XRCC4: variants seen among roughly 807,000 people sequenced by gnomAD.
XRCC4 encodes X-ray repair cross complementing 4.
Under a neutral mutation model 39.1 loss-of-function variants are expected in XRCC4, and 28 were observed. The observed-to-expected ratio is 0.72, with a 90% CI of 0.53 to 0.98. XRCC4 has a LOEUF of 0.98. Ranked by LOEUF, XRCC4 falls within the 50% of genes least tolerant of loss-of-function variation. The pLI is 0.00. For missense variants in XRCC4, 350 were observed against 376.4 expected (o/e 0.93, Z 0.58); for synonymous variants, 123 against 126.4 (o/e 0.97, Z 0.18).
rs891294652 is a variant in XRCC4, at chr5:83,262,566, A to G, written c.893+3889A>G. ...AGCTTTTAGAGACTTCAGAACAAAT[A>G]TAAATCACTGTAAAAGGAATACAGA... On this transcript the variant is annotated intron_variant, in intron 7 of 7. Coordinates refer to ENST00000396027, the MANE Select transcript of XRCC4 (RefSeq NM_003401.5). Among the ~76,000 whole-genome samples the G allele has an allele frequency of 2.0e-5, 3 of 152,248 alleles. No homozygotes were observed. In the East Asian group the frequency reaches 5.8e-4, roughly 29 times the overall value.
chr5:83,124,403 C>T (rs1055290492), intron 3 of XRCC4, among the ~76,000 whole-genome samples: 1 of 151,934 alleles, frequency 6.6e-6, no homozygotes, highest in African/African-American at 2.4e-5. Flanking sequence ...TTTCACTGAC[C>T]CTAATACTTT....
At chr5:83,323,019 A>G (rs911526990) in intron 7 of XRCC4, among the ~76,000 whole-genome samples, 1 of 152,152 alleles carries the variant, frequency 6.6e-6, no homozygotes, top group African/African-American at 2.4e-5. Context: ...ATAGTACAGC[A>G]AGAGCCCTAT....
chr5:83,139,888 A>G (rs1748084232), intron 3 of XRCC4, among the ~76,000 whole-genome samples: 1 of 152,168 alleles, frequency 6.6e-6, no homozygotes, highest in Non-Finnish European at 1.5e-5. Flanking sequence ...GCATGATTTT[A>G]TGGTTGGTTG....
At chr5:83,151,444 C>T (rs1402150856) in intron 3 of XRCC4, among the ~76,000 whole-genome samples, 1 of 152,046 alleles carries the variant, frequency 6.6e-6, no homozygotes, top group Middle Eastern at 3.2e-3. Flanking sequence ...TTTTCCTTTG[C>T]AAAAAGGTTC....
intron 1 of XRCC4, among the ~76,000 whole-genome samples, chr5:83,082,353 T>C (rs1561311840): frequency 1.3e-5 from 2 of 152,292 alleles, no homozygotes; most frequent in East Asian, 3.9e-4. Context: ...GAAATCCAAA[T>C]AAAGTCTATG....
At position 83,322,219 on chromosome 5, in the gene XRCC4, C is replaced by G. The variant is rs561826758; in HGVS notation, c.894-30912C>G. On this transcript the variant is annotated intron_variant, in intron 7 of 7. Transcript: ENST00000396027. ...ATTTAATAGGAACCTAATTATAAAA[C>G]AAATTTATTTACTATGTATGCCATT... Among the ~76,000 whole-genome samples, 6 of 151,958 alleles carry G rather than the reference C, an allele frequency of 3.9e-5. No homozygotes were observed. In the East Asian group the frequency reaches 1.2e-3, roughly 29 times the overall value.
At chr5:83,209,400 A>G (rs1266294702) in intron 6 of XRCC4, among the ~76,000 whole-genome samples, 2 of 152,080 alleles carry the variant, frequency 1.3e-5, no homozygotes, top group Non-Finnish European at 2.9e-5. Context: ...ACAGTTTCGC[A>G]TTGTGCAGTT....
chr5:83,114,041 T>C (rs917932751), intron 3 of XRCC4, among the ~76,000 whole-genome samples: 16 of 152,214 alleles, frequency 1.1e-4, no homozygotes, highest in African/African-American at 3.6e-4. Context: ...TTGGGACTTG[T>C]ACCCTCTGAA....
At chr5:83,291,391 T>A (rs531309562) in intron 7 of XRCC4, among the ~76,000 whole-genome samples, 13 of 151,446 alleles carry the variant, frequency 8.6e-5, no homozygotes, top group African/African-American at 3.2e-4. Context: ...CTTTAAAAAA[T>A]TGGTCATTTT....
chr5:83,218,970 A>G (rs925926009), intron 6 of XRCC4, among the ~76,000 whole-genome samples: 1 of 152,096 alleles, frequency 6.6e-6, no homozygotes, highest in African/African-American at 2.4e-5. Flanking sequence ...GAACAACAGA[A>G]ATATATTTAC....
chr5:83,270,012 C>G (rs1237324763), intron 7 of XRCC4, among the ~76,000 whole-genome samples: 1 of 115,960 alleles, frequency 8.6e-6, no homozygotes, highest in African/African-American at 4.7e-5. Context: ...GCTTGTTTTC[C>G]TCACCTCACA....
chr5:83,345,626 A>G (rs1389193379), intron 7 of XRCC4, among the ~76,000 whole-genome samples: 1 of 152,098 alleles, frequency 6.6e-6, no homozygotes, highest in Non-Finnish European at 1.5e-5. Flanking sequence ...CAGAAATATT[A>G]CTCTCAGAAC....
chr5:83,241,852 G>A (rs143340381), intron 6 of XRCC4, among the ~76,000 whole-genome samples: 8 of 152,120 alleles, frequency 5.3e-5, no homozygotes, highest in African/African-American at 1.9e-4. Context: ...TCATAAGGAA[G>A]AGAAAATATA....
chr5:83,302,468 C>G (rs1310364797), intron 7 of XRCC4, among the ~76,000 whole-genome samples: 1 of 152,176 alleles, frequency 6.6e-6, no homozygotes, highest in African/African-American at 2.4e-5. Flanking sequence ...CCTTGCGCTT[C>G]CCAGGTGACA....
At chr5:83,142,029 T>C (rs1183708121) in intron 3 of XRCC4, among the ~76,000 whole-genome samples, 2 of 152,238 alleles carry the variant, frequency 1.3e-5, no homozygotes, top group Admixed American at 1.3e-4. Flanking sequence ...AGTTACCTTC[T>C]TTTATTCAAA....
chr5:83,219,557 A>G (rs1752002219), intron 6 of XRCC4, among the ~76,000 whole-genome samples: 1 of 152,176 alleles, frequency 6.6e-6, no homozygotes, highest in African/African-American at 2.4e-5. Context: ...CAGCATTCAA[A>G]CAGATAGCTA....
chr5:83,136,669 T>C (rs1348352964), intron 3 of XRCC4, among the ~76,000 whole-genome samples: 2 of 152,196 alleles, frequency 1.3e-5, no homozygotes, highest in Non-Finnish European at 2.9e-5. Flanking sequence ...GTTACCTACA[T>C]TCTGAATGCT....
intron 7 of XRCC4, 113 bp from the exon 8 acceptor site, chr5:83,353,018 C>A: frequency 2.4e-6 from 2 of 824,300 alleles, no homozygotes; most frequent in South Asian, 2.1e-5. Context: ...ATCTCTAAAC[C>A]AATTTGAAAC....
intron 7 of XRCC4, among the ~76,000 whole-genome samples, chr5:83,263,961 G>A (rs912256887): frequency 1.3e-5 from 2 of 152,082 alleles, no homozygotes; most frequent in Non-Finnish European, 2.9e-5. Context: ...TTTTCTTCTA[G>A]GGTTTTTATG....
Sources: allele counts gnomAD v4.1 joint callset (sites outside exome capture counted in the v4.1 genomes callset), GRCh38; gene constraint gnomAD v4.1.1; transcripts MANE v1.5; gene names NCBI Gene and HGNC (gene_info 2026-07-23, HGNC 2026-07-21).